Variants in SLC25A17 observed in about 807,000 individuals in gnomAD.
The protein encoded by SLC25A17 is solute carrier family 25 member 17.
Under a neutral mutation model 38.5 loss-of-function variants are expected in SLC25A17, and 26 were observed. That is an observed-to-expected ratio of 0.68 (90% CI 0.50 to 0.94). The LOEUF is 0.94. Ranked by LOEUF, SLC25A17 falls within the 40% of genes least tolerant of loss-of-function variation. The pLI is 0.00. For missense variants in SLC25A17, 333 were observed against 372.7 expected, an observed-to-expected ratio of 0.89 and a Z score of 0.88; for synonymous variants, 139 against 136.2, an observed-to-expected ratio of 1.02 and a Z score of -0.14.
chr22:40,786,729 A>G (rs746102098), intron 4 of SLC25A17, among the ~76,000 whole-genome samples: 6 of 152,188 alleles, frequency 3.9e-5, no homozygotes, highest in Non-Finnish European at 7.3e-5. Context: ...ATGAGGGCCG[A>G]CTGTAGTTGA....
intron 2 of SLC25A17, among the ~76,000 whole-genome samples, chr22:40,795,609 C>T (rs993216399): frequency 7.9e-5 from 12 of 151,792 alleles, no homozygotes; most frequent in Non-Finnish European, 1.8e-4. Flanking sequence ...TCTTATATTT[C>T]ATAAATTTCA....
chr22:40,816,609 G>GTTTTTTTTTTTTTTTTTTTTT (rs55809010), intron 1 of SLC25A17, among the ~76,000 whole-genome samples: 1 of 137,970 alleles, frequency 7.2e-6, no homozygotes, highest in Non-Finnish European at 1.6e-5. Context: ...ATTTTTTATT[G>GTTTTTTTTTTTTTTTTTTTTT]TTTTTTTTTT....
At chr22:40,818,668 T>C (rs1406220547) in intron 1 of SLC25A17, among the ~76,000 whole-genome samples, 1 of 140,612 alleles carries the variant, frequency 7.1e-6, no homozygotes, top group Middle Eastern at 3.8e-3. Flanking sequence ...ATCGCGCCAC[T>C]GCACTCCAGC....
chr22:40,799,363 C>CT (rs566690843), intron 1 of SLC25A17, among the ~76,000 whole-genome samples: 4,658 of 135,134 alleles, frequency 0.034, 106 homozygotes, highest in South Asian at 0.056. Flanking sequence ...GGAGTCACAA[C>CT]TTTTTTTTTT....
chr22:40,817,711 C>T (rs2057656820), intron 1 of SLC25A17, among the ~76,000 whole-genome samples: 1 of 152,164 alleles, frequency 6.6e-6, no homozygotes, highest in African/African-American at 2.4e-5. Flanking sequence ...CCCCTGTTCC[C>T]TTACATTCTA....
Position 40,801,132 on chromosome 22 carries a change from T to C in SLC25A17, c.55-2049A>G, listed in dbSNP as rs1459455717. 1.1e-4 allele frequency among the ~76,000 whole-genome samples: 3 copies of C among 26,724 alleles called. No homozygotes were observed. In the East Asian group the frequency reaches 1.1e-3, roughly 10 times the overall value. The allele number at this position is 26,724 out of a possible 152,430, so 17.5% of individuals were successfully genotyped here. ...AAAAAAGAAAAAAATATATTACATA[T>C]ATATATATATATATATATATATATA... On this transcript the variant is annotated intron_variant, in intron 1 of 8. Coordinates refer to ENST00000435456, the MANE Select transcript of SLC25A17 (RefSeq NM_006358.4).
intron 2 of SLC25A17, among the ~76,000 whole-genome samples, chr22:40,797,829 G>A (rs371420858): frequency 1.3e-5 from 2 of 152,098 alleles, no homozygotes; most frequent in African/African-American, 2.4e-5. Context: ...CTGTATGCCC[G>A]GCCAGCCCTT....
intron 4 of SLC25A17, among the ~76,000 whole-genome samples, chr22:40,786,251 C>A (rs1456667280): frequency 6.6e-6 from 1 of 151,258 alleles, no homozygotes; most frequent in Non-Finnish European, 1.5e-5. Flanking sequence ...GCAGAGGTTG[C>A]AGTGAGCCAA....
chr22:40,810,967 C>T (rs1205989170), intron 1 of SLC25A17, among the ~76,000 whole-genome samples: 2 of 152,022 alleles, frequency 1.3e-5, no homozygotes, highest in Non-Finnish European at 2.9e-5. Flanking sequence ...CACTCTATTG[C>T]CCTGGCTGGA....
rs559502335 is a variant in SLC25A17, at chr22:40,773,983, A to G, written c.730T>C (p.Leu244=). 4 of 1,613,464 alleles carry G rather than the reference A, an allele frequency of 2.5e-6. No individual in the cohort carries two copies. The highest frequency in any genetic ancestry group is 2.2e-5 in the East Asian group (1 of 44,874). The change falls in exon 8 of 9, where the codon TTG becomes CTG. Residue 244 remains leucine (L), a synonymous_variant. Transcript: ENST00000435456. ...RHRLNPENRT[L]GSLRNILYLL... Reference sequence around the variant, plus strand: ...TAGAGAATATTCCGAAGACTTCCCAATGTTCTGTTTTCTGGGTTTAGTCTA... The same window carrying G: ...TAGAGAATATTCCGAAGACTTCCCAGTGTTCTGTTTTCTGGGTTTAGTCTA...
At chr22:40,804,675 T>C (rs2057513848) in intron 1 of SLC25A17, among the ~76,000 whole-genome samples, 1 of 152,198 alleles carries the variant, frequency 6.6e-6, no homozygotes, top group East Asian at 1.9e-4. Flanking sequence ...ATTGTATAGG[T>C]TGTCTCTTCA....
intron 1 of SLC25A17, among the ~76,000 whole-genome samples, chr22:40,804,572 TTTGTTTGTTTTTGCTA>T (rs2057512856): frequency 6.6e-6 from 1 of 151,154 alleles, no homozygotes; most frequent in Non-Finnish European, 1.5e-5. Context: ...TTGTTTTGTT[TTTGTTTGTTTTTGCTA>T]TTGAGTTGTG....
intron 1 of SLC25A17, among the ~76,000 whole-genome samples, chr22:40,810,345 T>G (rs6002161): frequency 6.8e-6 from 1 of 147,776 alleles, no homozygotes; most frequent in African/African-American, 2.5e-5. Context: ...GCATTAAATA[T>G]TCTTTTTTTT....
At chr22:40,794,792 G>C (rs755588287) in intron 2 of SLC25A17, among the ~76,000 whole-genome samples, 1 of 151,974 alleles carries the variant, frequency 6.6e-6, no homozygotes, top group Non-Finnish European at 1.5e-5. Flanking sequence ...GCTAATTTTT[G>C]TATTTTAGTA....
At chr22:40,788,467 CAG>C (rs1308662187) in intron 4 of SLC25A17, among the ~76,000 whole-genome samples, 3 of 152,172 alleles carry the variant, frequency 2.0e-5, no homozygotes, top group Non-Finnish European at 4.4e-5. Context: ...CCAACGCAGA[CAG>C]ATCACGAGGT....
chr22:40,788,870 T>G lies in SLC25A17; in HGVS notation c.334+3655A>C. The G allele has an allele frequency of 1.5e-5, 4 of 258,902 alleles. No individual in the cohort carries two copies. The South Asian group carries it at 1.7e-4, about 11-fold the overall frequency. The allele number at this position is 258,902 out of a possible 1,614,324, so 16.0% of individuals were successfully genotyped here. On this transcript the variant is annotated intron_variant, in intron 4 of 8. Transcript: ENST00000435456. Reference sequence around the variant, plus strand: ...CTGGTAAATCTAGTCATTTCTTAGCTTCCTCAAAAATCACCTTGAATTGCT... The same window carrying G: ...CTGGTAAATCTAGTCATTTCTTAGCGTCCTCAAAAATCACCTTGAATTGCT...
At chr22:40,786,931 T>C (rs1198551041) in intron 4 of SLC25A17, among the ~76,000 whole-genome samples, 2 of 152,210 alleles carry the variant, frequency 1.3e-5, no homozygotes, top group Non-Finnish European at 2.9e-5. Flanking sequence ...GTACCTTCTA[T>C]GTACTAGGCA....
intron 2 of SLC25A17, among the ~76,000 whole-genome samples, chr22:40,797,730 T>G (rs2057443064): frequency 6.6e-6 from 1 of 152,238 alleles, no homozygotes; most frequent in Non-Finnish European, 1.5e-5. Flanking sequence ...GACCAGTATT[T>G]AAAGTCAATG....
At chr22:40,794,642 CAG>C (rs746607250) in intron 2 of SLC25A17, 62 bp from the exon 3 acceptor site, 6 of 943,298 alleles carry the variant, frequency 6.4e-6, no homozygotes, top group Non-Finnish European at 7.9e-6. Context: ...TTTTTTGAGA[CAG>C]AGTCTCACTC....
Sources: allele counts gnomAD v4.1 joint callset (sites outside exome capture counted in the v4.1 genomes callset), GRCh38; gene constraint gnomAD v4.1.1; transcripts MANE v1.5; gene names NCBI Gene and HGNC (gene_info 2026-07-23, HGNC 2026-07-21).